The following PTPRD variants were observed in gnomAD, a reference collection of about 807,000 sequenced individuals.
The protein encoded by PTPRD is receptor-type tyrosine-protein phosphatase delta.
A neutral mutation model predicts 214.5 loss-of-function variants in PTPRD; 34 were observed. The ratio of observed to expected loss-of-function variants is 0.16; its 90% confidence interval spans 0.12 to 0.21. The LOEUF (loss-of-function observed/expected upper bound fraction) is 0.21. PTPRD is among the 10% of genes least tolerant of loss of function. The pLI, the probability that PTPRD is intolerant of heterozygous loss-of-function variation, is 1.00. For synonymous variants in PTPRD, 1,128 were observed against 845.7 expected, an observed-to-expected ratio of 1.33 and a Z score of -5.79; for missense variants, 2,545 against 2,398.7, an observed-to-expected ratio of 1.06 and a Z score of -1.27.
chr9:9,708,607 G>C (rs551554793), intron 7 of PTPRD, among the ~76,000 whole-genome samples: 4 of 151,986 alleles, frequency 2.6e-5, no homozygotes, highest in Admixed American at 6.6e-5. Context: ...GTCCTCAAGA[G>C]TATTTCACGG....
At chr9:10,127,497 A>G (rs76691273) in intron 3 of PTPRD, among the ~76,000 whole-genome samples, 3,590 of 152,164 alleles carry the variant, frequency 0.024, 131 homozygotes, top group African/African-American at 0.081. Context: ...AATCAAGCAT[A>G]TTTCTCTCTC....
At chr9:10,520,120 A>G (rs1019189642) in intron 2 of PTPRD, among the ~76,000 whole-genome samples, 16 of 152,332 alleles carry the variant, frequency 1.1e-4, no homozygotes, top group South Asian at 4.1e-4. Flanking sequence ...AAAGCATGTC[A>G]AAAGCCAAGA....
rs1852787239 is a variant in PTPRD at position 8,341,915 on chromosome 9, A to C, written c.4725T>G (p.His1575Gln). ...VIDAMLERIK[H>Q]EKTVDIYGHV... ...GGCCATAAATATCTACAGTTTTTTC[A>C]TGCTTTATTCTTTCTAACATGGCAT... The change falls in exon 40 of 46, where the codon CAT becomes CAG. Residue 1575 changes from histidine to glutamine, a missense_variant. Transcript: ENST00000381196. 3.1e-6 allele frequency: 5 copies of C among 1,613,196 alleles called. No homozygotes were observed. The highest frequency in any genetic ancestry group is 4.2e-6 in the Non-Finnish European group (5 of 1,179,582).
chr9:8,421,567 C>A (rs536388677), intron 35 of PTPRD, among the ~76,000 whole-genome samples: 2 of 152,194 alleles, frequency 1.3e-5, no homozygotes, highest in South Asian at 2.1e-4. Flanking sequence ...CAGCAAACAG[C>A]GAATCAAATC....
intron 11 of PTPRD, among the ~76,000 whole-genome samples, chr9:8,746,547 T>C (rs550768619): frequency 2.1e-4 from 32 of 152,268 alleles, no homozygotes; most frequent in Non-Finnish European, 2.8e-4. Flanking sequence ...AATATGGATA[T>C]CAAAAAGGGA....
At chr9:9,604,721 T>C (rs986256987) in intron 7 of PTPRD, among the ~76,000 whole-genome samples, 1 of 152,084 alleles carries the variant, frequency 6.6e-6, no homozygotes, top group African/African-American at 2.4e-5. Context: ...GTGGCAAATT[T>C]AAAAGGGTAT....
At chr9:10,428,939 T>C (rs1391398637) in intron 2 of PTPRD, among the ~76,000 whole-genome samples, 3 of 152,030 alleles carry the variant, frequency 2.0e-5, no homozygotes, top group South Asian at 4.1e-4. Context: ...CGAAAGTTTC[T>C]GTAGTTATAA....
chr9:10,314,130 C>T lies in PTPRD; in HGVS notation c.-545+26833G>A, dbSNP rs72698937. ...GGTAGAGAAGATATTCAGAATGTTA[C>T]GAAGCAGGAAAGAAACAGTCAGTTA... is the stretch of plus-strand genomic sequence containing the variant. On this transcript the variant is annotated intron_variant, in intron 3 of 45. Transcript: ENST00000381196. Among the ~76,000 whole-genome samples the T allele has an allele frequency of 5.4e-3, 818 of 151,738 alleles. 2 individuals are homozygous for T. Among genetic ancestry groups the T allele is most frequent in the Non-Finnish European group, 9.2e-3 (627 of 67,868 alleles).
At chr9:9,758,677 G>A (rs1020746494) in intron 6 of PTPRD, among the ~76,000 whole-genome samples, 1 of 151,946 alleles carries the variant, frequency 6.6e-6, no homozygotes, top group African/African-American at 2.4e-5. Context: ...CAGCAGGGAA[G>A]CAGAAAAAGA....
At chr9:10,242,933 G>A (rs1003434421) in intron 3 of PTPRD, among the ~76,000 whole-genome samples, 3 of 150,320 alleles carry the variant, frequency 2.0e-5, no homozygotes, top group Non-Finnish European at 4.5e-5. Flanking sequence ...GAGAGGGAGG[G>A]AGGGAGGGAG....
rs1176268304 is a variant in PTPRD at position 9,028,136 on chromosome 9, C to G, written c.-142-9401G>C. 3.3e-5 allele frequency among the ~76,000 whole-genome samples: 5 copies of G among 152,082 alleles called. No homozygotes were observed. In the East Asian group the frequency reaches 9.7e-4, roughly 29 times the overall value. ...CTGCACAAAACCTCCCTATCACAAA[C>G]TGATGTTGGTTATCCCTTATCAAAT... On this transcript the variant is annotated intron_variant, in intron 10 of 45. Coordinates refer to ENST00000381196, the MANE Select transcript of PTPRD (RefSeq NM_002839.4).
chr9:8,654,761 G>A (rs944835956), intron 12 of PTPRD, among the ~76,000 whole-genome samples: 3 of 152,068 alleles, frequency 2.0e-5, no homozygotes, highest in Non-Finnish European at 4.4e-5. Context: ...CTTAATACAT[G>A]ACTACAGTAA....
Position 10,060,904 on chromosome 9 carries a change from CTTTCTTTCTTTCTTTCTTTCT to C in PTPRD, c.-544-27135_-544-27115del, listed in dbSNP as rs1567408623. Among the ~76,000 whole-genome samples, 4 of 68,164 alleles carry C rather than the reference CTTTCTTTCTTTCTTTCTTTCT, an allele frequency of 5.9e-5. 1 individual carries two copies. Among genetic ancestry groups the C allele is most frequent in the African/African-American group, 5.6e-4 (4 of 7,206 alleles). The allele number at this position is 68,164 out of a possible 152,430, so 44.7% of individuals were successfully genotyped here. ...TCCTTCCTTCCTTCCTTCCTTCTTT[CTTTCTTTCTTTCTTTCTTTCT>C]TTCTTTCTTTCTTTCTTTCTTTCTT... is the stretch of plus-strand genomic sequence containing the variant. On this transcript the variant is annotated intron_variant, in intron 3 of 45. Transcript: ENST00000381196.
chr9:8,896,850 A>G (rs948483061), intron 11 of PTPRD, among the ~76,000 whole-genome samples: 1 of 152,214 alleles, frequency 6.6e-6, no homozygotes, highest in African/African-American at 2.4e-5. Flanking sequence ...TTCATCAGAA[A>G]TGAATCCCAA....
chr9:8,771,041 C>A (rs575878194), intron 11 of PTPRD, among the ~76,000 whole-genome samples: 3 of 151,762 alleles, frequency 2.0e-5, no homozygotes, highest in African/African-American at 4.8e-5. Context: ...ATTAGCCGGG[C>A]GTGGTGGCGG....
chr9:9,053,773 T>C (rs1277457593), intron 10 of PTPRD, among the ~76,000 whole-genome samples: 1 of 152,178 alleles, frequency 6.6e-6, no homozygotes, highest in African/African-American at 2.4e-5. Flanking sequence ...AATTGGATGT[T>C]ATTGAAAATG....
intron 12 of PTPRD, among the ~76,000 whole-genome samples, chr9:8,648,371 T>C (rs137973649): frequency 3.9e-5 from 6 of 152,342 alleles, no homozygotes; most frequent in East Asian, 3.9e-4. Context: ...CATTCTGTTT[T>C]GGTGTAAGAC....
intron 3 of PTPRD, among the ~76,000 whole-genome samples, chr9:10,309,621 T>C (rs2096208288): frequency 6.6e-6 from 1 of 151,692 alleles, no homozygotes; most frequent in South Asian, 2.1e-4. Context: ...CACCTCAGCC[T>C]ACCAAAGTGC....
At chr9:9,182,092 T>C (rs2099928540) in intron 10 of PTPRD, among the ~76,000 whole-genome samples, 1 of 152,034 alleles carries the variant, frequency 6.6e-6, no homozygotes, top group Admixed American at 6.6e-5. Context: ...GTAAGCTGAA[T>C]CTTAACATAT....
Sources: gnomAD v4.1 joint callset for allele counts (sites outside exome capture counted in the v4.1 genomes callset) on GRCh38, gnomAD v4.1.1 for gene constraint, MANE v1.5 for transcripts, NCBI Gene and HGNC (gene_info 2026-07-23, HGNC 2026-07-21) for gene names.